Variants in LTBP1 observed in about 807,000 individuals in gnomAD.
The protein encoded by LTBP1 is latent-transforming growth factor beta-binding protein 1.
In LTBP1, 129 loss-of-function variants were observed where a neutral mutation model predicts 207.6. The observed-to-expected ratio is 0.62, with a 90% CI of 0.54 to 0.72. The LOEUF (loss-of-function observed/expected upper bound fraction) is 0.72. Among genes scored for constraint, LTBP1 ranks in the 30% least tolerant of loss-of-function variants. The pLI is 0.00. For missense variants in LTBP1, 2,281 were observed against 2,217.2 expected (o/e 1.03, Z -0.58); for synonymous variants, 963 against 833.7 (o/e 1.16, Z -2.67).
chr2:33,186,229 GTTTC>G lies in LTBP1; in HGVS notation c.1202-623_1202-620del, dbSNP rs536440384. Among the ~76,000 whole-genome samples, 328 of 152,122 alleles carry G rather than the reference GTTTC, an allele frequency of 2.2e-3. 1 individual carries two copies. The highest frequency in any genetic ancestry group is 7.2e-3 in the African/African-American group (299 of 41,498). On this transcript the variant is annotated intron_variant, in intron 5 of 33. Transcript: ENST00000404816. ...CAAATATTATTTTTATTACTGATTTGTTTCTTTATTTTTTGAGCAAATATATTTA... is the reference window on the plus strand; with the variant it reads ...CAAATATTATTTTTATTACTGATTTGTTTATTTTTTGAGCAAATATATTTA...
At chr2:33,073,784 G>T (rs542725973) in intron 3 of LTBP1, among the ~76,000 whole-genome samples, 2 of 152,138 alleles carry the variant, frequency 1.3e-5, no homozygotes, top group African/African-American at 4.8e-5. Flanking sequence ...CTGTCACCAT[G>T]CCCGGCTAAT....
At chr2:33,355,621 G>A (rs1161924185) in intron 26 of LTBP1, among the ~76,000 whole-genome samples, 1 of 152,044 alleles carries the variant, frequency 6.6e-6, no homozygotes, top group Non-Finnish European at 1.5e-5. Flanking sequence ...GCTTCCAGGA[G>A]CCCCTTCATT....
chr2:33,371,574 G>C (rs895618771), intron 31 of LTBP1, among the ~76,000 whole-genome samples: 1 of 152,204 alleles, frequency 6.6e-6, no homozygotes, highest in Non-Finnish European at 1.5e-5. Context: ...AAGTCATAGA[G>C]TTATCAGAAC....
At chr2:33,306,534 T>C (rs1194704583) in intron 22 of LTBP1, among the ~76,000 whole-genome samples, 3 of 151,606 alleles carry the variant, frequency 2.0e-5, no homozygotes, top group Non-Finnish European at 4.4e-5. Flanking sequence ...CACGCCACTG[T>C]ACTCCGGCCT....
At chr2:33,282,055 A>G (rs1013499543) in intron 19 of LTBP1, among the ~76,000 whole-genome samples, 3 of 110,064 alleles carry the variant, frequency 2.7e-5, no homozygotes, top group African/African-American at 3.8e-5. Context: ...TCTTATACCT[A>G]TATGTGCATA....
At chr2:33,187,353 G>A (rs1454736317) in intron 6 of LTBP1, among the ~76,000 whole-genome samples, 4 of 152,158 alleles carry the variant, frequency 2.6e-5, no homozygotes, top group African/African-American at 7.2e-5. Context: ...GCTAATAAAT[G>A]TGCATGGTAC....
At chr2:33,283,949 A>T (rs2093614611) in intron 19 of LTBP1, among the ~76,000 whole-genome samples, 1 of 152,132 alleles carries the variant, frequency 6.6e-6, no homozygotes, top group Non-Finnish European at 1.5e-5. Context: ...CATTTCTTAA[A>T]TTTCACATTA....
intron 8 of LTBP1, among the ~76,000 whole-genome samples, chr2:33,221,139 T>C (rs1002020384): frequency 6.6e-6 from 1 of 152,210 alleles, no homozygotes; most frequent in Non-Finnish European, 1.5e-5. Context: ...GAAGAATTCC[T>C]TACTGCAGGA....
intron 31 of LTBP1, among the ~76,000 whole-genome samples, chr2:33,378,512 G>A (rs560217005): frequency 1.3e-4 from 20 of 152,198 alleles, no homozygotes; most frequent in Middle Eastern, 6.8e-3. Flanking sequence ...GATTACAGGC[G>A]TGAGTCACCA....
At chr2:33,369,094 AT>A (rs1298126898) in intron 31 of LTBP1, among the ~76,000 whole-genome samples, 1 of 152,168 alleles carries the variant, frequency 6.6e-6, no homozygotes, top group Non-Finnish European at 1.5e-5. Flanking sequence ...TTCAAAAAAC[AT>A]TTTAAAAAGT....
chr2:33,297,471 G>C (rs920926585), intron 20 of LTBP1, among the ~76,000 whole-genome samples: 3 of 150,078 alleles, frequency 2.0e-5, no homozygotes, highest in African/African-American at 7.4e-5. Flanking sequence ...TCGCTTTGTC[G>C]CCCAGGCTGG....
chr2:33,351,909 A>G (rs149592832), intron 26 of LTBP1, among the ~76,000 whole-genome samples: 188 of 152,264 alleles, frequency 1.2e-3, no homozygotes, highest in African/African-American at 4.3e-3. Flanking sequence ...TATTTATGTT[A>G]TTCCCCTGGG....
chr2:33,293,995 CTTTTTTTTTTTTTTTT>C (rs71409607), intron 20 of LTBP1, among the ~76,000 whole-genome samples: 68 of 48,836 alleles, frequency 1.4e-3, no homozygotes, highest in Non-Finnish European at 2.1e-3. Context: ...TGGTACAGGT[CTTTTTTTTTTTTTTTT>C]TTTTTTTTTT....
intron 31 of LTBP1, among the ~76,000 whole-genome samples, chr2:33,371,234 T>G (rs574917280): frequency 6.6e-6 from 1 of 152,324 alleles, no homozygotes; most frequent in African/African-American, 2.4e-5. Context: ...TGATTTTTCC[T>G]TCACCATGGA....
intron 3 of LTBP1, among the ~76,000 whole-genome samples, chr2:33,067,933 A>G (rs1334851529): frequency 2.6e-5 from 4 of 152,226 alleles, no homozygotes; most frequent in Non-Finnish European, 4.4e-5. Flanking sequence ...GCAAGTGAAG[A>G]ATCTGAAATG....
chr2:33,033,961 C>T (rs2075803044), intron 3 of LTBP1, among the ~76,000 whole-genome samples: 1 of 152,132 alleles, frequency 6.6e-6, no homozygotes, highest in Non-Finnish European at 1.5e-5. Flanking sequence ...GCCATATAAG[C>T]CTCTCAAGAG....
chr2:33,360,319 C>A (rs1414543247), intron 26 of LTBP1, among the ~76,000 whole-genome samples: 2 of 152,172 alleles, frequency 1.3e-5, no homozygotes. Context: ...AAACTCTACT[C>A]ACAGCCAAAT....
intron 5 of LTBP1, among the ~76,000 whole-genome samples, chr2:33,172,613 A>G (rs1214438427): frequency 3.9e-5 from 6 of 152,210 alleles, no homozygotes; most frequent in African/African-American, 1.2e-4. Context: ...AAAGTTAACA[A>G]GGATACCCAG....
rs539296864 is a variant in LTBP1 at position 32,991,962 on chromosome 2, T to G, written c.566-28947T>G. Among the ~76,000 whole-genome samples the G allele has an allele frequency of 3.3e-5, 5 of 152,320 alleles. No individual in the cohort carries two copies. In the East Asian group the frequency reaches 9.6e-4, roughly 29 times the overall value. ...TCTACTCATTTGCTGGTATTATTGGTCTCCACTTGTAGATGACACAAAAAC... is the reference window on the plus strand; with the variant it reads ...TCTACTCATTTGCTGGTATTATTGGGCTCCACTTGTAGATGACACAAAAAC... On this transcript the variant is annotated intron_variant, in intron 2 of 33. Transcript: ENST00000404816.
Sources: allele counts gnomAD v4.1 joint callset (sites outside exome capture counted in the v4.1 genomes callset), GRCh38; gene constraint gnomAD v4.1.1; transcripts MANE v1.5; gene names NCBI Gene and HGNC (gene_info 2026-07-23, HGNC 2026-07-21).